RGS8: variants seen among roughly 807,000 people sequenced by gnomAD.
The protein encoded by RGS8 is regulator of G protein signaling 8, also known as regulator of G-protein signaling 8.
In RGS8, 8 loss-of-function variants were observed where a neutral mutation model predicts 21.7. That is an observed-to-expected ratio of 0.37 (90% CI 0.22 to 0.66). The LOEUF (loss-of-function observed/expected upper bound fraction) is 0.66. Ranked by LOEUF, RGS8 falls within the 30% of genes least tolerant of loss-of-function variation. The pLI is 0.59. For missense variants in RGS8, 157 were observed against 217.9 expected (o/e 0.72, Z 1.76); for synonymous variants, 80 against 83.6 (o/e 0.96, Z 0.24).
At chr1:182,652,868 G>A (rs565371722) in intron 5 of RGS8, among the ~76,000 whole-genome samples, 1 of 152,294 alleles carries the variant, frequency 6.6e-6, no homozygotes, top group East Asian at 1.9e-4. Context: ...GGGCAGCTAA[G>A]CAAGGGAAGG....
At chr1:182,682,372 T>G (rs1348858357) in intron 1 of RGS8, among the ~76,000 whole-genome samples, 1 of 152,190 alleles carries the variant, frequency 6.6e-6, no homozygotes, top group Non-Finnish European at 1.5e-5. Flanking sequence ...GCTTAAAGGT[T>G]CTGAAGGGTC....
chr1:182,749,403 T>C, the RGS8 span, among the ~76,000 whole-genome samples: 1 of 152,212 alleles, frequency 6.6e-6, no homozygotes, highest in Non-Finnish European at 1.5e-5. Context: ...TTTAAATGCA[T>C]GGATTTAGTT....
At chr1:182,690,262 C>T in the RGS8 span, among the ~76,000 whole-genome samples, 2 of 152,208 alleles carry the variant, frequency 1.3e-5, no homozygotes, top group African/African-American at 2.4e-5. Flanking sequence ...CATCTCATAA[C>T]ATCCTGTACT....
upstream of RGS8, chr1:182,672,716 G>T: frequency 1.4e-6 from 2 of 1,383,420 alleles, no homozygotes; most frequent in Non-Finnish European, 1.0e-6. Context: ...CCCCCTACTT[G>T]CATTTGTTAT....
the RGS8 span, among the ~76,000 whole-genome samples, chr1:182,707,161 A>AAAAC: frequency 3.3e-5 from 5 of 152,164 alleles, no homozygotes; most frequent in South Asian, 2.1e-4. Context: ...TCCATCTCAA[A>AAAAC]AAACAAACAA....
chr1:182,715,966 G>A, the RGS8 span, among the ~76,000 whole-genome samples: 2 of 152,090 alleles, frequency 1.3e-5, no homozygotes, highest in Non-Finnish European at 2.9e-5. Context: ...GGTTCCCATA[G>A]TACCAAAATC....
the RGS8 span, among the ~76,000 whole-genome samples, chr1:182,689,913 T>G: frequency 2.0e-5 from 3 of 152,218 alleles, no homozygotes; most frequent in East Asian, 5.8e-4. Flanking sequence ...GAATAGAATT[T>G]AAAATATCTG....
chr1:182,689,509 G>A (rs1308490032), upstream of RGS8, among the ~76,000 whole-genome samples: 1 of 152,204 alleles, frequency 6.6e-6, no homozygotes, highest in African/African-American at 2.4e-5. Flanking sequence ...GAGAAAAGTA[G>A]AGAGGGGCCA....
At chr1:182,750,371 A>C in the RGS8 span, among the ~76,000 whole-genome samples, 1 of 152,166 alleles carries the variant, frequency 6.6e-6, no homozygotes, top group African/African-American at 2.4e-5. Context: ...ACCCATCTTT[A>C]CATCAACAAT....
the RGS8 span, among the ~76,000 whole-genome samples, chr1:182,712,182 A>T: frequency 3.3e-5 from 5 of 152,242 alleles, no homozygotes; most frequent in Non-Finnish European, 7.3e-5. Context: ...CTCTTGAAAA[A>T]GGATGCTGGA....
In RGS8 at chr1:182,646,574, C is replaced by A. The variant is rs554683039; in HGVS notation, c.*161G>T. ...TGGAATAGAGTCCAAGCTCCGGCAG[C>A]TGGGTCATACTTTGGAATGGCCCTT... On this transcript the variant is annotated 3_prime_UTR_variant, in exon 7 of 7. Coordinates refer to ENST00000483095, the Ensembl canonical transcript of RGS8. 61 of 638,220 alleles carry A rather than the reference C, an allele frequency of 9.6e-5. No homozygotes were observed. The East Asian group carries it at 1.6e-3, about 16-fold the overall frequency. 39.5% of individuals were successfully genotyped at this position (638,220 alleles called of 1,614,324 possible).
the RGS8 span, among the ~76,000 whole-genome samples, chr1:182,707,927 C>T: frequency 2.0e-5 from 3 of 152,056 alleles, no homozygotes; most frequent in East Asian, 1.9e-4. Flanking sequence ...AGGATGGTCT[C>T]GATCTCCTGA....
chr1:182,649,682 G>A (rs562115608), intron 5 of RGS8, among the ~76,000 whole-genome samples: 4 of 152,170 alleles, frequency 2.6e-5, no homozygotes, highest in South Asian at 4.2e-4. Flanking sequence ...GATAGCTTAT[G>A]CATCCAGTTA....
chr1:182,736,951 G>A, the RGS8 span, among the ~76,000 whole-genome samples: 16 of 152,298 alleles, frequency 1.1e-4, no homozygotes, highest in Admixed American at 8.5e-4. Flanking sequence ...AAAGTTGGTG[G>A]CTTAAAACAA....
the RGS8 span, among the ~76,000 whole-genome samples, chr1:182,710,839 C>A: frequency 6.6e-6 from 1 of 152,298 alleles, no homozygotes; most frequent in African/African-American, 2.4e-5. Context: ...TGTAATTCAA[C>A]AAACTCTCCA....
chr1:182,746,362 G>A, the RGS8 span, among the ~76,000 whole-genome samples: 2 of 152,152 alleles, frequency 1.3e-5, no homozygotes, highest in South Asian at 4.1e-4. Flanking sequence ...ATGATGTCAA[G>A]AGTATATAAA....
the RGS8 span, among the ~76,000 whole-genome samples, chr1:182,744,977 G>T: frequency 2.6e-5 from 4 of 152,106 alleles, no homozygotes; most frequent in African/African-American, 9.7e-5. Flanking sequence ...CTATAGATTT[G>T]TCTATTCTGG....
chr1:182,648,170 A>C, exon 6 of RGS8: 1 of 1,612,942 alleles, frequency 6.2e-7, no homozygotes, highest in Non-Finnish European at 8.5e-7. Context: ...CAAACTCCTC[A>C]AAGATCCTAT....
the RGS8 span, among the ~76,000 whole-genome samples, chr1:182,718,952 G>A: frequency 5.9e-5 from 9 of 151,834 alleles, no homozygotes; most frequent in Admixed American, 4.6e-4. Context: ...TGGAAATGTC[G>A]AAGGGATTCA....
Sources: allele counts gnomAD v4.1 joint callset (sites outside exome capture counted in the v4.1 genomes callset), GRCh38; gene constraint gnomAD v4.1.1; transcripts MANE v1.5; gene names NCBI Gene and HGNC (gene_info 2026-07-23, HGNC 2026-07-21).